Variants in ITPR3 observed in about 807,000 individuals in gnomAD.
ITPR3 encodes the protein inositol 1,4,5-trisphosphate-gated calcium channel ITPR3.
A neutral mutation model predicts 293.2 loss-of-function variants in ITPR3; 173 were observed. That is an observed-to-expected ratio of 0.59 (90% confidence interval 0.52 to 0.67). ITPR3 has a LOEUF of 0.67. Ranked by LOEUF, ITPR3 falls within the 30% of genes least tolerant of loss-of-function variation. The pLI, the probability that ITPR3 is intolerant of heterozygous loss-of-function variation, is 0.00. For synonymous variants in ITPR3, 1,295 were observed against 1,444.4 expected, an observed-to-expected ratio of 0.90 and a Z score of 2.35; for missense variants, 2,796 against 3,592.1, an observed-to-expected ratio of 0.78 and a Z score of 5.66.
Position 33,686,379 on chromosome 6 carries a change from G to A in ITPR3, c.5869-30G>A. 2.5e-6 allele frequency: 4 copies of A among 1,604,400 alleles called. No homozygotes were observed. The South Asian group carries it at 4.4e-5, about 18-fold the overall frequency. The stretch of plus-strand genomic sequence containing the variant: ...GCTGCCACTATTCTGAGAGGGCCTG[G>A]GCCCTGTGTCCCCCACTGCCTCCTG... On this transcript the variant is annotated intron_variant, in intron 42 of 57. Transcript: ENST00000605930.
chr6:33,629,663 T>C (rs1478017421), intron 1 of ITPR3, among the ~76,000 whole-genome samples: 2 of 151,928 alleles, frequency 1.3e-5, no homozygotes, highest in Non-Finnish European at 2.9e-5. Context: ...GTATTTTTAG[T>C]AGAGACGGGT....
At chr6:33,659,762 T>G (rs1049190672) in intron 7 of ITPR3, among the ~76,000 whole-genome samples, 15 of 152,166 alleles carry the variant, frequency 9.9e-5, no homozygotes, top group African/African-American at 3.6e-4. Context: ...CCCTTCTCCA[T>G]TCTCCCTGGG....
intron 28 of ITPR3, 102 bp downstream of exon 28, chr6:33,677,731 C>T (rs1346598710): frequency 7.8e-6 from 11 of 1,407,228 alleles, no homozygotes; most frequent in East Asian, 4.7e-5. Flanking sequence ...CTCCCAGCCT[C>T]GCCTGGCCTC....
chr6:33,665,098 G>T lies in ITPR3; in HGVS notation c.1294G>T (p.Val432Leu). 6.2e-7 allele frequency: 1 copy of T among 1,614,124 alleles called. No individual in the cohort carries two copies. The highest frequency in any genetic ancestry group is 8.5e-7 in the Non-Finnish European group (1 of 1,180,044). Residue 432 changes from valine to leucine, a missense_variant, in exon 13 of 58, where the codon GTG (valine) becomes TTG (leucine). Transcript: ENST00000605930. ...GGAGGACAAGGAGGCCTTTGCCATC[G>T]TGTCAGTGCCCGTGTCTGAGATCCG... ...TKEDKEAFAIVSVPVSEIRDL... is the reference protein window; with the variant it reads ...TKEDKEAFAILSVPVSEIRDL...
intron 43 of ITPR3, 51 bp downstream of exon 43, chr6:33,686,570 T>C (rs1267432296): frequency 1.5e-6 from 2 of 1,350,680 alleles, no homozygotes; most frequent in Non-Finnish European, 2.1e-6. Flanking sequence ...GTGATGTGCA[T>C]GCATGTATGT....
chr6:33,660,088 G>A (rs1764423664), intron 7 of ITPR3, among the ~76,000 whole-genome samples: 1 of 152,174 alleles, frequency 6.6e-6, no homozygotes, highest in African/African-American at 2.4e-5. Context: ...GGCAGAGGGA[G>A]CTGTCTGGGG....
At chr6:33,646,523 C>G (rs1381549608) in intron 2 of ITPR3, among the ~76,000 whole-genome samples, 1 of 151,880 alleles carries the variant, frequency 6.6e-6, no homozygotes, top group Non-Finnish European at 1.5e-5. Flanking sequence ...TGTTTTTTTG[C>G]TGGTTTCGCT....
At chr6:33,656,448 A>C (rs1447941537) in intron 3 of ITPR3, among the ~76,000 whole-genome samples, 4 of 152,186 alleles carry the variant, frequency 2.6e-5, no homozygotes, top group Non-Finnish European at 5.9e-5. Context: ...CCCTGGATCT[A>C]GTCTTAACCT....
intron 57 of ITPR3, 107 bp from the exon 58 acceptor site, chr6:33,695,605 G>A (rs1239705541): frequency 3.6e-6 from 4 of 1,120,984 alleles, no homozygotes; most frequent in Non-Finnish European, 5.3e-6. Flanking sequence ...GTGCCGAATA[G>A]CAGCTGGGCC....
At chr6:33,659,917 C>T (rs1209599936) in intron 7 of ITPR3, among the ~76,000 whole-genome samples, 1 of 152,332 alleles carries the variant, frequency 6.6e-6, no homozygotes, top group East Asian at 1.9e-4. Context: ...CGCCCCTTGC[C>T]CTGTGCCCTC....
Position 33,692,728 on chromosome 6 carries a change from G to A in ITPR3, c.7459G>A (p.Glu2487Lys). Residue 2487 changes from glutamate (E) to lysine (K), a missense_variant and splice_region_variant, in exon 55 of 58, where the codon GAG (glutamate) becomes AAG (lysine). Glu to Lys is a moderately conservative substitution (Grantham distance 56). This residue lies in a region of ITPR3 where 568 missense variants were observed against 796.1 expected (regional missense o/e 0.71). Transcript: ENST00000605930. The surrounding 1 kb of genome is among the most constrained non-coding windows in gnomAD (Gnocchi z 4.2). ...GDILRKPSKD[E>K]SLFPARVVYD... is the part of the protein sequence containing the mutation. ...AGCCTCCCTGCCTCATCCCCTGCAG[G>A]AGTCTCTCTTCCCAGCCCGAGTGGT... 6.2e-7 allele frequency: 1 copy of A among 1,613,918 alleles called. No homozygotes were observed. Among genetic ancestry groups the A allele is most frequent in the East Asian group, 2.2e-5 (1 of 44,868 alleles).
chr6:33,671,169 T>G lies in ITPR3; in HGVS notation c.2591T>G (p.Val864Gly). The G allele has an allele frequency of 6.2e-7, 1 of 1,612,886 alleles. No homozygotes were observed. Among genetic ancestry groups the G allele is most frequent in the Non-Finnish European group, 8.5e-7 (1 of 1,179,740 alleles). ...EEKNKLTFEVVSLAHNLIYFG... is the reference protein window; with the variant it reads ...EEKNKLTFEVGSLAHNLIYFG... ...TCGGCCACGCCCCCTTCGCAGGTGG[T>G]CAGCCTGGCGCACAATCTCATCTAC... Residue 864 changes from valine (V) to glycine (G), a missense_variant, in exon 21 of 58, where the codon GTC becomes GGC. Val to Gly is a moderately radical substitution (Grantham distance 109). Transcript: ENST00000605930.
In ITPR3 at chr6:33,664,883, C is replaced by G; in HGVS notation, c.1162C>G (p.Arg388Gly). ...DSFVPRNSYV[R>G]LRHLCTNTWI... Reference sequence around the variant, plus strand: ...ACCCACCTGCAGGAACTCGTACGTCCGGCTGCGGCACCTCTGCACCAACAC... The same window carrying G: ...ACCCACCTGCAGGAACTCGTACGTCGGGCTGCGGCACCTCTGCACCAACAC... The change falls in exon 12 of 58, where the codon CGG becomes GGG. Residue 388 changes from arginine (R) to glycine (G), a missense_variant. This residue lies in a region of ITPR3 where 955 missense variants were observed against 1,180.8 expected (regional missense o/e 0.81). Transcript: ENST00000605930. This position sits in a 1 kb window ranked among gnomAD's most constrained non-coding sequence, Gnocchi z 4.4. The G allele has an allele frequency of 6.2e-7, 1 of 1,612,256 alleles. No homozygotes were observed. The highest frequency in any genetic ancestry group is 8.5e-7 in the Non-Finnish European group (1 of 1,179,082).
At chr6:33,649,017 C>T (rs1018767896) in intron 2 of ITPR3, among the ~76,000 whole-genome samples, 2 of 152,054 alleles carry the variant, frequency 1.3e-5, no homozygotes, top group African/African-American at 4.8e-5. Context: ...AATTCTCTGC[C>T]TCAGCCTCCT....
Position 33,673,619 on chromosome 6 carries a change from G to A in ITPR3, c.2957G>A (p.Arg986His), listed in dbSNP as rs868764253. The change falls in exon 23 of 58, where the codon CGC becomes CAC. Residue 986 changes from arginine to histidine, a missense_variant. Arg to His is a conservative substitution (Grantham distance 29). This residue lies in a region of ITPR3 where 955 missense variants were observed against 1,180.8 expected (regional missense o/e 0.81). Coordinates refer to ENST00000605930, the MANE Select transcript of ITPR3 (RefSeq NM_002224.4). The stretch of plus-strand genomic sequence containing the variant: ...ATCCTCAATGTCCGCCTGGATTACC[G>A]CATATCCTACCTGCTGTCTGTCTTC... ...QFILNVRLDY[R>H]ISYLLSVFKK... is the part of the protein sequence containing the mutation. 35 of 1,614,090 alleles carry A rather than the reference G, an allele frequency of 2.2e-5. No individual in the cohort carries two copies. The highest frequency in any genetic ancestry group is 8.9e-5 in the East Asian group (4 of 44,874).
At position 33,696,093 on chromosome 6, in the gene ITPR3, GTCC is replaced by G. The variant is rs1765536933; in HGVS notation, c.*318_*320del. On this transcript the variant is annotated 3_prime_UTR_variant, in exon 58 of 58. Coordinates refer to ENST00000605930, the MANE Select transcript of ITPR3 (RefSeq NM_002224.4). ...AAGCAATAACTGACAACTCTTTGTA[GTCC>G]TCCTTGTGGGTAGTTAAGAGTGGGG... 2.9e-6 allele frequency: 1 copy of G among 347,322 alleles called. No homozygotes were observed. The highest frequency in any genetic ancestry group is 5.3e-6 in the Non-Finnish European group (1 of 187,688). The allele number at this position is 347,322 out of a possible 1,614,324, so 21.5% of individuals were successfully genotyped here.
Position 33,667,898 on chromosome 6 carries a change from A to G in ITPR3, c.1820A>G (p.Glu607Gly). 1 of 1,614,202 alleles carries G rather than the reference A, an allele frequency of 6.2e-7. No individual in the cohort carries two copies. Among genetic ancestry groups the G allele is most frequent in the Non-Finnish European group, 8.5e-7 (1 of 1,180,020 alleles). Residue 607 changes from glutamate to glycine, a missense_variant, in exon 16 of 58, where the codon GAA (glutamate) becomes GGA (glycine). Coordinates refer to ENST00000605930, the MANE Select transcript of ITPR3 (RefSeq NM_002224.4). This position sits in a 1 kb window ranked among gnomAD's most constrained non-coding sequence, Gnocchi z 4.4. ...ALLHNNRKLL[E>G]KHITKTEVET... ...CTGCACAACAACCGCAAGCTCCTGG[A>G]AAAGCACATCACCAAGACCGAGGTG...
chr6:33,689,944 C>A, intron 50 of ITPR3, 90 bp from the exon 51 acceptor site: 1 of 1,499,278 alleles, frequency 6.7e-7, no homozygotes, highest in Non-Finnish European at 9.2e-7. Context: ...GCCATGCCTC[C>A]CAGGCTCTGA....
rs1765308679 is a variant in ITPR3, at chr6:33,688,765, G to A, written c.6678G>A (p.Met2226Ile). ...TCATTGCCTTCTTCTACCCTTACAT[G>A]GAGGGCGCGTCCACAGGTGAGAACA... ...NIIIAFFYPY[M>I]EGASTGVLDS... Residue 2226 changes from methionine (M) to isoleucine (I), a missense_variant, in exon 49 of 58, where the codon ATG becomes ATA. Met to Ile is a conservative substitution (Grantham distance 10). Transcript: ENST00000605930. 1.2e-6 allele frequency: 2 copies of A among 1,614,208 alleles called. No homozygotes were observed. Among genetic ancestry groups the A allele is most frequent in the Non-Finnish European group, 1.7e-6 (2 of 1,180,030 alleles).
Sources: gnomAD v4.1 joint callset for allele counts (sites outside exome capture counted in the v4.1 genomes callset) on GRCh38, gnomAD v4.1.1 for gene constraint, gnomAD v4.1.1 regional missense constraint, Gnocchi (gnomAD v3.1) non-coding constraint, MANE v1.5 for transcripts, NCBI Gene and HGNC (gene_info 2026-07-23, HGNC 2026-07-21) for gene names.